Variants in PTPRG observed in about 807,000 individuals in gnomAD.
PTPRG encodes protein tyrosine phosphatase receptor type G, also known as receptor-type tyrosine-protein phosphatase gamma.
PTPRG carries 102 observed loss-of-function variants against 165.3 expected under a neutral mutation model. That is an observed-to-expected ratio of 0.62 (90% CI 0.53 to 0.73). PTPRG has a LOEUF of 0.73. PTPRG is among the 30% of genes least tolerant of loss of function. The pLI, the probability that PTPRG is intolerant of heterozygous loss-of-function variation, is 0.00. For synonymous variants in PTPRG, 675 were observed against 669.5 expected (o/e 1.01, Z -0.13); for missense variants, 1,866 against 1,861.4 (o/e 1.00, Z -0.05).
chr3:61,814,979 C>G (rs902689805), intron 2 of PTPRG, among the ~76,000 whole-genome samples: 2 of 151,960 alleles, frequency 1.3e-5, no homozygotes, highest in African/African-American at 4.8e-5. Context: ...TCATATCTGC[C>G]TAGTGTCCTA....
intron 2 of PTPRG, among the ~76,000 whole-genome samples, chr3:61,826,942 A>G (rs145149090): frequency 1.3e-5 from 2 of 151,370 alleles, no homozygotes; most frequent in African/African-American, 4.9e-5. Flanking sequence ...TTAGCTCTCC[A>G]TCTCCAGGCG....
chr3:61,784,006 A>G lies in PTPRG; in HGVS notation c.190+35024A>G, dbSNP rs537113226. On this transcript the variant is annotated intron_variant, in intron 2 of 29. Coordinates refer to ENST00000474889, the MANE Select transcript of PTPRG (RefSeq NM_002841.4). The stretch of plus-strand genomic sequence containing the variant: ...GGTCAGAGGTTTGGGATTAGCTTAG[A>G]TGACTGAAGGAAAATTATAGAGCAA... Among the ~76,000 whole-genome samples, 6 of 152,298 alleles carry G rather than the reference A, an allele frequency of 3.9e-5. No homozygotes were observed. The South Asian group carries it at 1.0e-3, about 26-fold the overall frequency.
chr3:61,646,781 G>A (rs557336938), intron 1 of PTPRG, among the ~76,000 whole-genome samples: 10 of 152,228 alleles, frequency 6.6e-5, no homozygotes, highest in African/African-American at 1.9e-4. Context: ...GATCTCATAT[G>A]CTACCCCTTG....
intron 14 of PTPRG, among the ~76,000 whole-genome samples, chr3:62,236,507 C>T (rs191644492): frequency 1.3e-5 from 2 of 152,212 alleles, no homozygotes; most frequent in Admixed American, 6.5e-5. Context: ...GGATTATTAG[C>T]GGGTATGCTA....
rs550504474 is a variant in PTPRG at position 62,172,212 on chromosome 3, A to G, written c.1033+4049A>G. Among the ~76,000 whole-genome samples, 4 of 152,318 alleles carry G rather than the reference A, an allele frequency of 2.6e-5. No homozygotes were observed. The South Asian group carries it at 6.2e-4, about 24-fold the overall frequency. Reference sequence around the variant, plus strand: ...ATGAATAATGCTTTTGTGAGCATCCATGTCCAAGTTTTTGTGTAAATATAC... The same window carrying G: ...ATGAATAATGCTTTTGTGAGCATCCGTGTCCAAGTTTTTGTGTAAATATAC... On this transcript the variant is annotated intron_variant, in intron 8 of 29. Transcript: ENST00000474889.
rs771588319 is a variant in PTPRG, at chr3:61,995,425, C to T, written c.370+5621C>T. On this transcript the variant is annotated intron_variant, in intron 3 of 29. Transcript: ENST00000474889. Reference sequence around the variant, plus strand: ...TTTTCAATAGCAATCTTCATGATGTCTGATTTCCCTCCAAAACTGATGGAC... The same window carrying T: ...TTTTCAATAGCAATCTTCATGATGTTTGATTTCCCTCCAAAACTGATGGAC... Among the ~76,000 whole-genome samples the T allele has an allele frequency of 5.9e-5, 9 of 152,112 alleles. 1 individual carries two copies. The highest frequency in any genetic ancestry group is 1.3e-4 in the Non-Finnish European group (9 of 68,022).
At chr3:61,626,375 A>T (rs1441851738) in intron 1 of PTPRG, among the ~76,000 whole-genome samples, 1 of 152,182 alleles carries the variant, frequency 6.6e-6, no homozygotes, top group African/African-American at 2.4e-5. Flanking sequence ...CTGGTATGCC[A>T]TTAAAAAAGG....
At chr3:61,752,543 A>G (rs1559592267) in intron 2 of PTPRG, among the ~76,000 whole-genome samples, 2 of 152,174 alleles carry the variant, frequency 1.3e-5, no homozygotes, top group Non-Finnish European at 2.9e-5. Context: ...CTCTGATCCC[A>G]GCACTTTGGG....
At chr3:62,012,781 C>A (rs973378) in intron 4 of PTPRG, among the ~76,000 whole-genome samples, 7 of 151,648 alleles carry the variant, frequency 4.6e-5, no homozygotes, top group Non-Finnish European at 7.4e-5. Flanking sequence ...CAATCTGTAT[C>A]GTAGGAAAGA....
At chr3:62,264,111 ACT>A (rs1701786177) in intron 17 of PTPRG, 1 of 150,474 alleles carries the variant, frequency 6.6e-6, no homozygotes, top group South Asian at 2.1e-4. Context: ...ACGCCACTGT[ACT>A]CCATCCTGGG....
chr3:61,777,085 G>A (rs75960068), intron 2 of PTPRG, among the ~76,000 whole-genome samples: 3,471 of 152,164 alleles, frequency 0.023, 101 homozygotes, highest in African/African-American at 0.063. Flanking sequence ...GAAGCATTTC[G>A]TTGAATTGTG....
At chr3:61,978,481 T>C (rs1429332529) in intron 2 of PTPRG, among the ~76,000 whole-genome samples, 1 of 140,680 alleles carries the variant, frequency 7.1e-6, no homozygotes, top group African/African-American at 2.8e-5. Context: ...GACCATTGCA[T>C]AGTATTATGT....
chr3:61,863,770 T>C (rs754716062), intron 2 of PTPRG, among the ~76,000 whole-genome samples: 1 of 152,170 alleles, frequency 6.6e-6, no homozygotes, highest in Non-Finnish European at 1.5e-5. Context: ...ATTCTGAACA[T>C]ACCATTTAAG....
intron 1 of PTPRG, chr3:61,742,714 C>G (rs2033043332): frequency 6.2e-7 from 1 of 1,608,220 alleles, no homozygotes; most frequent in African/African-American, 1.3e-5. Flanking sequence ...AGGGAACTTT[C>G]CTGCCTTATT....
chr3:61,900,602 C>A (rs961381445), intron 2 of PTPRG, among the ~76,000 whole-genome samples: 4 of 152,212 alleles, frequency 2.6e-5, no homozygotes, highest in Admixed American at 2.6e-4. Flanking sequence ...ACCACCCTGT[C>A]TCTAAGGCTA....
chr3:61,886,649 G>C (rs184050638), intron 2 of PTPRG, among the ~76,000 whole-genome samples: 5 of 152,250 alleles, frequency 3.3e-5, no homozygotes, highest in African/African-American at 1.2e-4. Context: ...GAGTTAACAG[G>C]TAGGGCTGTT....
chr3:61,780,251 G>C (rs964766865), intron 2 of PTPRG, among the ~76,000 whole-genome samples: 5 of 152,212 alleles, frequency 3.3e-5, no homozygotes, highest in Non-Finnish European at 7.3e-5. Context: ...ATGACAATCA[G>C]ACTTTGTTTT....
At chr3:61,826,269 T>C (rs2036107077) in intron 2 of PTPRG, among the ~76,000 whole-genome samples, 1 of 152,206 alleles carries the variant, frequency 6.6e-6, no homozygotes, top group Non-Finnish European at 1.5e-5. Context: ...CTCTTTCCCC[T>C]ACGGTGAGTA....
chr3:61,650,400 C>T (rs1358758666), intron 1 of PTPRG, among the ~76,000 whole-genome samples: 4 of 152,076 alleles, frequency 2.6e-5, no homozygotes, highest in Non-Finnish European at 4.4e-5. Flanking sequence ...AACACAGTGA[C>T]GAGTTCCGCA....
Sources: gnomAD v4.1 joint callset for allele counts (sites outside exome capture counted in the v4.1 genomes callset) on GRCh38, gnomAD v4.1.1 for gene constraint, MANE v1.5 for transcripts, NCBI Gene and HGNC (gene_info 2026-07-23, HGNC 2026-07-21) for gene names.